GSK3B: variants seen among roughly 807,000 people sequenced by gnomAD.
The protein encoded by GSK3B is glycogen synthase kinase 3 beta.
A neutral mutation model predicts 56.4 loss-of-function variants in GSK3B; 15 were observed. The observed-to-expected ratio is 0.27, with a 90% confidence interval of 0.18 to 0.41. The LOEUF is 0.41. GSK3B is among the 10% of genes least tolerant of loss of function. The pLI, the probability that GSK3B is intolerant of heterozygous loss-of-function variation, is 1.00. For synonymous variants in GSK3B, 181 were observed against 188.9 expected (o/e 0.96, Z 0.34); for missense variants, 300 against 513.4 (o/e 0.58, Z 4.02).
intron 2 of GSK3B, among the ~76,000 whole-genome samples, chr3:119,971,847 G>A (rs1011729985): frequency 2.6e-5 from 4 of 151,586 alleles, no homozygotes; most frequent in Admixed American, 2.6e-4. Context: ...TCCTGACCTC[G>A]TGATCCGCCC....
At chr3:119,985,554 A>G (rs1357170731) in intron 2 of GSK3B, among the ~76,000 whole-genome samples, 1 of 152,214 alleles carries the variant, frequency 6.6e-6, no homozygotes, top group African/African-American at 2.4e-5. Flanking sequence ...ACCAACAGAG[A>G]GCCAAATCAT....
intron 1 of GSK3B, chr3:120,029,676 G>A: frequency 3.8e-6 from 2 of 531,440 alleles, no homozygotes; most frequent in East Asian, 4.7e-5. Flanking sequence ...AGCCATTATG[G>A]CCATGGATAC....
At chr3:120,029,146 G>A (rs2057954580) in intron 1 of GSK3B, 1 of 697,882 alleles carries the variant, frequency 1.4e-6, no homozygotes, top group Admixed American at 2.2e-5. Flanking sequence ...TATAAAAGCT[G>A]ACGGTTGGGA....
At chr3:119,847,522 G>C (rs936405170) in intron 9 of GSK3B, among the ~76,000 whole-genome samples, 7 of 151,382 alleles carry the variant, frequency 4.6e-5, no homozygotes, top group African/African-American at 1.5e-4. Context: ...AGTTTAACAG[G>C]GGAAAAAAAA....
At chr3:119,994,028 T>A (rs9866394) in intron 2 of GSK3B, among the ~76,000 whole-genome samples, 80,342 of 151,904 alleles carry the variant, frequency 0.53, 24,679 homozygotes, top group African/African-American at 0.86. Flanking sequence ...TGCCCAGCTA[T>A]TTTTTTCTAT....
chr3:119,914,889 G>T (rs2056766055), intron 5 of GSK3B, among the ~76,000 whole-genome samples: 1 of 152,074 alleles, frequency 6.6e-6, no homozygotes, highest in South Asian at 2.1e-4. Context: ...ATTAACAAGT[G>T]TGGGGCAATA....
intron 3 of GSK3B, among the ~76,000 whole-genome samples, chr3:119,940,862 T>C (rs2057041916): frequency 6.6e-6 from 1 of 152,220 alleles, no homozygotes; most frequent in Non-Finnish European, 1.5e-5. Flanking sequence ...GTCACTTAAC[T>C]TCTCTCCATC....
intron 7 of GSK3B, among the ~76,000 whole-genome samples, chr3:119,894,796 A>T (rs577996848): frequency 2.0e-5 from 3 of 152,222 alleles, no homozygotes; most frequent in South Asian, 4.1e-4. Context: ...TTTGTGTTAC[A>T]TGTATGAAAA....
At chr3:119,917,933 C>G (rs751690171) in intron 4 of GSK3B, among the ~76,000 whole-genome samples, 10 of 151,962 alleles carry the variant, frequency 6.6e-5, no homozygotes, top group Admixed American at 1.3e-4. Context: ...ATGGGCTGGG[C>G]ACTGTTCTAA....
intron 1 of GSK3B, among the ~76,000 whole-genome samples, chr3:120,086,170 C>T (rs2058461718): frequency 6.7e-6 from 1 of 150,074 alleles, no homozygotes; most frequent in Non-Finnish European, 1.5e-5. Context: ...AAAATCCAAG[C>T]AGCAATTCCA....
At chr3:119,897,392 T>C (rs1559827563) in intron 7 of GSK3B, among the ~76,000 whole-genome samples, 1 of 152,058 alleles carries the variant, frequency 6.6e-6, no homozygotes, top group Non-Finnish European at 1.5e-5. Context: ...TGCCTCCGTT[T>C]TTCTTATTTT....
intron 8 of GSK3B, among the ~76,000 whole-genome samples, chr3:119,872,047 A>G (rs1277852840): frequency 6.6e-6 from 1 of 152,132 alleles, no homozygotes; most frequent in African/African-American, 2.4e-5. Context: ...AAATTTAAAC[A>G]AGGTAGCAGG....
At chr3:120,059,009 CAAAA>C (rs1358575864) in intron 1 of GSK3B, among the ~76,000 whole-genome samples, 1 of 64,670 alleles carries the variant, frequency 1.5e-5, no homozygotes. Flanking sequence ...GACTCTGTCT[CAAAA>C]AAAAAAAAAA....
chr3:119,901,846 AT>A (rs2056627678), intron 7 of GSK3B, among the ~76,000 whole-genome samples: 1 of 152,228 alleles, frequency 6.6e-6, no homozygotes, highest in African/African-American at 2.4e-5. Flanking sequence ...AGTCTACCAC[AT>A]AAAAAAACTT....
chr3:120,067,236 C>CAAA (rs58967403), intron 1 of GSK3B, among the ~76,000 whole-genome samples: 10 of 122,872 alleles, frequency 8.1e-5, no homozygotes, highest in South Asian at 2.5e-4. Flanking sequence ...ACTGTAACAT[C>CAAA]AAAAAAAAAA....
At chr3:120,014,150 G>C (rs960855794) in intron 1 of GSK3B, among the ~76,000 whole-genome samples, 1 of 137,098 alleles carries the variant, frequency 7.3e-6, no homozygotes, top group African/African-American at 2.8e-5. Context: ...AAAAAAAAAA[G>C]CAAAAACAAA....
At chr3:119,869,245 A>AAAAAAAAAAAAC (rs1455323431) in intron 8 of GSK3B, among the ~76,000 whole-genome samples, 1 of 149,576 alleles carries the variant, frequency 6.7e-6, no homozygotes, top group African/African-American at 2.5e-5. Flanking sequence ...AAAAAAAAAA[A>AAAAAAAAAAAAC]ACATATATTC....
At chr3:119,901,694 T>C (rs2056626236) in intron 7 of GSK3B, among the ~76,000 whole-genome samples, 1 of 152,160 alleles carries the variant, frequency 6.6e-6, no homozygotes, top group Non-Finnish European at 1.5e-5. Flanking sequence ...GAATGGACAA[T>C]GGTTTAACAA....
At chr3:120,049,454 C>T (rs1381422779) in intron 1 of GSK3B, among the ~76,000 whole-genome samples, 1 of 152,132 alleles carries the variant, frequency 6.6e-6, no homozygotes, top group Non-Finnish European at 1.5e-5. Context: ...CAGAAGACTT[C>T]CTGGGAAGGT....
Sources: allele counts gnomAD v4.1 joint callset (sites outside exome capture counted in the v4.1 genomes callset), GRCh38; gene constraint gnomAD v4.1.1; transcripts MANE v1.5; gene names NCBI Gene and HGNC (gene_info 2026-07-23, HGNC 2026-07-21).